BMPR1A: variants seen among roughly 807,000 people sequenced by gnomAD.
The protein encoded by BMPR1A is bone morphogenetic protein receptor type-1A.
In BMPR1A, 7 loss-of-function variants were observed where a neutral mutation model predicts 66.0. The ratio of observed to expected loss-of-function variants is 0.11; its 90% CI spans 0.06 to 0.20. BMPR1A has a LOEUF of 0.20. Ranked by LOEUF, BMPR1A falls within the 10% of genes least tolerant of loss-of-function variation. BMPR1A has a pLI of 1.00. For synonymous variants in BMPR1A, 200 were observed against 229.7 expected (o/e 0.87, Z 1.17); for missense variants, 408 against 669.1 (o/e 0.61, Z 4.31).
At chr10:86,894,177 A>G (rs765827473) in intron 5 of BMPR1A, among the ~76,000 whole-genome samples, 1 of 152,246 alleles carries the variant, frequency 6.6e-6, no homozygotes, top group African/African-American at 2.4e-5. Flanking sequence ...CTTGTGTTAG[A>G]TATTTGGCAG....
chr10:86,858,162 A>AT (rs1396580911), intron 2 of BMPR1A, among the ~76,000 whole-genome samples: 2 of 152,230 alleles, frequency 1.3e-5, no homozygotes, highest in Non-Finnish European at 2.9e-5. Flanking sequence ...CTCTGTGCTC[A>AT]TATCACTAGA....
chr10:86,779,832 C>G lies in BMPR1A; in HGVS notation c.-268+22913C>G, dbSNP rs115332021. On this transcript the variant is annotated intron_variant, in intron 1 of 12. Coordinates refer to ENST00000372037, the MANE Select transcript of BMPR1A (RefSeq NM_004329.3). Reference sequence around the variant, plus strand: ...GCCCAGGCTTGTCTCAAATTCCTGGCCTTCAGCGATCTTTCAGCATCAGCC... The same window carrying G: ...GCCCAGGCTTGTCTCAAATTCCTGGGCTTCAGCGATCTTTCAGCATCAGCC... Among the ~76,000 whole-genome samples, 672 of 152,258 alleles carry G rather than the reference C, an allele frequency of 4.4e-3. 8 individuals are homozygous for G. The highest frequency in any genetic ancestry group is 0.015 in the African/African-American group (634 of 41,550).
chr10:86,821,284 C>T lies in BMPR1A; in HGVS notation c.-267-17581C>T, dbSNP rs376045186. ...CTTGAAAATAGTTATAACATTCTTACTAACTTCTAGGGTTGCTGTAAGTAT... is the reference window on the plus strand; with the variant it reads ...CTTGAAAATAGTTATAACATTCTTATTAACTTCTAGGGTTGCTGTAAGTAT... On this transcript the variant is annotated intron_variant, in intron 1 of 12. Coordinates refer to ENST00000372037, the MANE Select transcript of BMPR1A (RefSeq NM_004329.3). 6.6e-5 allele frequency among the ~76,000 whole-genome samples: 10 copies of T among 152,298 alleles called. No homozygotes were observed. In the East Asian group the frequency reaches 1.3e-3, roughly 21 times the overall value.
chr10:86,806,358 T>C (rs545939200), intron 1 of BMPR1A, among the ~76,000 whole-genome samples: 21 of 152,240 alleles, frequency 1.4e-4, no homozygotes, highest in Non-Finnish European at 2.4e-4. Context: ...AATTCACTGC[T>C]CCCCTGCAGA....
intron 1 of BMPR1A, among the ~76,000 whole-genome samples, chr10:86,775,307 C>G (rs1046812013): frequency 1.3e-5 from 2 of 152,212 alleles, no homozygotes; most frequent in Non-Finnish European, 2.9e-5. Flanking sequence ...TCTGATAAAA[C>G]CTGCCTATTA....
intron 2 of BMPR1A, among the ~76,000 whole-genome samples, chr10:86,847,135 G>C (rs538163693): frequency 6.6e-6 from 1 of 152,112 alleles, no homozygotes; most frequent in South Asian, 2.1e-4. Flanking sequence ...GATTACAGAC[G>C]TGAGCCCCTG....
At chr10:86,915,351 C>T (rs1382052583) in intron 8 of BMPR1A, among the ~76,000 whole-genome samples, 1 of 152,016 alleles carries the variant, frequency 6.6e-6, no homozygotes, top group Non-Finnish European at 1.5e-5. Context: ...AATTTTTTTA[C>T]GTTATTAAAA....
chr10:86,838,493 A>G (rs1490880148), intron 1 of BMPR1A, among the ~76,000 whole-genome samples: 1 of 152,104 alleles, frequency 6.6e-6, no homozygotes, highest in Non-Finnish European at 1.5e-5. Context: ...AGGTGGTCCA[A>G]TATATTTTTG....
At chr10:86,863,823 A>G (rs560687766) in intron 2 of BMPR1A, among the ~76,000 whole-genome samples, 21 of 152,178 alleles carry the variant, frequency 1.4e-4, no homozygotes, top group African/African-American at 4.6e-4. Flanking sequence ...TCTTAGGGGA[A>G]ATCTTTGTAC....
intron 1 of BMPR1A, among the ~76,000 whole-genome samples, chr10:86,787,112 T>C (rs1017327039): frequency 3.3e-5 from 5 of 152,054 alleles, no homozygotes; most frequent in Admixed American, 2.0e-4. Context: ...CTTTAAAACA[T>C]GTGTTATATC....
chr10:86,832,189 C>T (rs551444863), intron 1 of BMPR1A, among the ~76,000 whole-genome samples: 7 of 152,116 alleles, frequency 4.6e-5, no homozygotes, highest in East Asian at 3.9e-4. Context: ...TGAAAAAGGC[C>T]GGGCGCGGTG....
At chr10:86,893,987 T>C (rs1174141316) in intron 5 of BMPR1A, among the ~76,000 whole-genome samples, 1 of 152,228 alleles carries the variant, frequency 6.6e-6, no homozygotes, top group African/African-American at 2.4e-5. Flanking sequence ...AAGTGCTTCA[T>C]CCTACTAGTC....
chr10:86,804,991 C>T (rs187078187), intron 1 of BMPR1A, among the ~76,000 whole-genome samples: 27 of 152,120 alleles, frequency 1.8e-4, no homozygotes, highest in Non-Finnish European at 2.5e-4. Context: ...TCCTAACTCC[C>T]GGTAGCCTCA....
chr10:86,821,950 C>T (rs1842125575), intron 1 of BMPR1A, among the ~76,000 whole-genome samples: 1 of 152,054 alleles, frequency 6.6e-6, no homozygotes. Context: ...ACAGCAGGCA[C>T]GCACCACCAC....
Position 86,921,568 on chromosome 10 carries a change from A to G in BMPR1A, c.1215A>G (p.Lys405=), listed in dbSNP as rs587781522. The G allele has an allele frequency of 6.2e-7, 1 of 1,614,132 alleles. No individual in the cohort carries two copies. Residue 405 remains lysine, a synonymous_variant, in exon 11 of 13, where the codon AAA becomes AAG. Transcript: ENST00000372037. Reference sequence around the variant, plus strand: ...CCTTGAATACCAGGGTGGGCACCAAACGCTACATGGCTCCCGAAGTGCTGG... The same window carrying G: ...CCTTGAATACCAGGGTGGGCACCAAGCGCTACATGGCTCCCGAAGTGCTGG... The part of the protein sequence containing the change: ...DVPLNTRVGT[K]RYMAPEVLDE...
At chr10:86,784,458 T>C (rs932829494) in intron 1 of BMPR1A, among the ~76,000 whole-genome samples, 1 of 152,216 alleles carries the variant, frequency 6.6e-6, no homozygotes, top group Non-Finnish European at 1.5e-5. Flanking sequence ...GCTCCCTCAG[T>C]CATCGTGTAT....
At chr10:86,895,392 G>C (rs980669170) in intron 5 of BMPR1A, among the ~76,000 whole-genome samples, 2 of 152,024 alleles carry the variant, frequency 1.3e-5, no homozygotes, top group Non-Finnish European at 2.9e-5. Context: ...ACAAAACTTA[G>C]TCAGGCGTGG....
At chr10:86,785,849 T>C (rs138619599) in intron 1 of BMPR1A, among the ~76,000 whole-genome samples, 2 of 152,322 alleles carry the variant, frequency 1.3e-5, no homozygotes, top group East Asian at 1.9e-4. Context: ...AGAATTAACT[T>C]GGCTGATTGG....
intron 1 of BMPR1A, among the ~76,000 whole-genome samples, chr10:86,797,068 C>CTTTTCTTTTTTTT (rs1554879657): frequency 9.5e-6 from 1 of 105,028 alleles, no homozygotes; most frequent in African/African-American, 3.3e-5. Flanking sequence ...CTTTTCTTTT[C>CTTTTCTTTTTTTT]TTTTTTTTTT....
Sources: gnomAD v4.1 joint callset for allele counts (sites outside exome capture counted in the v4.1 genomes callset) on GRCh38, gnomAD v4.1.1 for gene constraint, MANE v1.5 for transcripts, NCBI Gene and HGNC (gene_info 2026-07-23, HGNC 2026-07-21) for gene names.